TUT4: variants seen among roughly 807,000 people sequenced by gnomAD.
TUT4 encodes terminal uridylyltransferase 4.
A neutral mutation model predicts 192.2 loss-of-function variants in TUT4; 36 were observed. The ratio of observed to expected loss-of-function variants is 0.19; its 90% confidence interval spans 0.14 to 0.25. The LOEUF (loss-of-function observed/expected upper bound fraction) is 0.25, where lower values mean the gene tolerates loss of function less well. Ranked by LOEUF, TUT4 falls within the 10% of genes least tolerant of loss-of-function variation. The probability of loss-of-function intolerance (pLI) is 1.00; values close to 1 mark genes in which losing one functional copy is unlikely to be tolerated. For synonymous variants in TUT4, 618 were observed against 666.0 expected (o/e 0.93, Z 1.11); for missense variants, 1,493 against 1,957.2 (o/e 0.76, Z 4.47).
chr1:52,514,169 G>A (rs950565423), intron 3 of TUT4, among the ~76,000 whole-genome samples: 8 of 152,144 alleles, frequency 5.3e-5, no homozygotes, highest in African/African-American at 1.4e-4. Flanking sequence ...GGCCGGGCAC[G>A]GTGGCTCCTG....
chr1:52,431,293 A>T lies in TUT4; in HGVS notation c.4431T>A (p.Phe1477Leu). Residue 1477 changes from phenylalanine to leucine, a missense_variant, in exon 28 of 30, where the codon TTT becomes TTA. Transcript: ENST00000257177. Reference protein sequence around the residue: ...PHQVQMPLYNFPQSPPAQYSP... With the variant: ...PHQVQMPLYNLPQSPPAQYSP... ...AATACTGAGCTGGTGGTGACTGGGGAAAGTTATACAGTGGCATCTGGACCT... is the reference window on the plus strand; with the variant it reads ...AATACTGAGCTGGTGGTGACTGGGGTAAGTTATACAGTGGCATCTGGACCT... 1 of 1,614,084 alleles carries T rather than the reference A, an allele frequency of 6.2e-7. No individual in the cohort carries two copies. The highest frequency in any genetic ancestry group is 8.5e-7 in the Non-Finnish European group (1 of 1,180,006).
chr1:52,476,279 A>C (rs1418697198), intron 12 of TUT4, among the ~76,000 whole-genome samples: 1 of 152,242 alleles, frequency 6.6e-6, no homozygotes, highest in Non-Finnish European at 1.5e-5. Flanking sequence ...AGTAAAAGAC[A>C]GTAGTAGGAA....
chr1:52,550,097 T>C (rs895300276), intron 1 of TUT4, among the ~76,000 whole-genome samples: 3 of 152,138 alleles, frequency 2.0e-5, no homozygotes. Flanking sequence ...ATATAGTCTG[T>C]ACATAATAAA....
intron 2 of TUT4, among the ~76,000 whole-genome samples, 187 bp downstream of exon 2, chr1:52,525,376 T>A (rs1388660185): frequency 1.3e-5 from 2 of 149,976 alleles, no homozygotes; most frequent in African/African-American, 5.0e-5. Flanking sequence ...TTTTTTTTTT[T>A]AGCTTCACCA....
At chr1:52,443,734 G>T (rs1352568229) in intron 24 of TUT4, among the ~76,000 whole-genome samples, 1 of 152,086 alleles carries the variant, frequency 6.6e-6, no homozygotes, top group East Asian at 1.9e-4. Context: ...CTGCACTCCA[G>T]CCTGGGGACA....
rs1672219520 is a variant in TUT4, at chr1:52,495,475, A to G, written c.1218T>C (p.Phe406=). Residue 406 remains phenylalanine, a synonymous_variant, in exon 6 of 30, where the codon TTT becomes TTC. Coordinates refer to ENST00000257177, the MANE Select transcript of TUT4 (RefSeq NM_001009881.3). ...TATTAACATCACTACTTTTCAGAGC[A>G]AATCTAGTCAGAGATGAGCCATACA... ...LRLYGSSLTR[F]ALKSSDVNID... The G allele has an allele frequency of 6.2e-7, 1 of 1,611,526 alleles. No individual in the cohort carries two copies.
Position 52,495,465 on chromosome 1 carries a change from T to A in TUT4, c.1228A>T (p.Ser410Cys), listed in dbSNP as rs564678385. 21 of 1,611,596 alleles carry A rather than the reference T, an allele frequency of 1.3e-5. No homozygotes were observed. The East Asian group carries it at 4.0e-4, about 31-fold the overall frequency. ...TTTATATCTATATTAACATCACTACTTTTCAGAGCAAATCTAGTCAGAGAT... is the reference window on the plus strand; with the variant it reads ...TTTATATCTATATTAACATCACTACATTTCAGAGCAAATCTAGTCAGAGAT... ...GSSLTRFALK[S>C]SDVNIDIKFP... The change falls in exon 6 of 30, where the codon AGT (serine) becomes TGT (cysteine). Residue 410 changes from serine to cysteine, a missense_variant. Coordinates refer to ENST00000257177, the MANE Select transcript of TUT4 (RefSeq NM_001009881.3).
rs546015030 is a variant in TUT4, at chr1:52,543,125, C to T, written c.-94+9806G>A. ...ACGCCATTAGGCAAAAGAAACAAAA[C>T]GCATCTCAATTGGAAAAGAAGAAGT... On this transcript the variant is annotated intron_variant, in intron 1 of 29. Transcript: ENST00000257177. 2.0e-4 allele frequency among the ~76,000 whole-genome samples: 30 copies of T among 152,184 alleles called. No individual in the cohort carries two copies. The South Asian group carries it at 6.0e-3, about 30-fold the overall frequency.
At chr1:52,503,179 T>C (rs1674637148) in intron 4 of TUT4, among the ~76,000 whole-genome samples, 2 of 152,206 alleles carry the variant, frequency 1.3e-5, no homozygotes, top group Non-Finnish European at 2.9e-5. Context: ...ACCCGTATGC[T>C]CTTTCCACTC....
In TUT4 at chr1:52,475,017, T is replaced by A; in HGVS notation, c.2542A>T (p.Thr848Ser). 6.2e-7 allele frequency: 1 copy of A among 1,614,234 alleles called. No homozygotes were observed. Among genetic ancestry groups the A allele is most frequent in the Non-Finnish European group, 8.5e-7 (1 of 1,180,034 alleles). Residue 848 changes from threonine (T) to serine (S), a missense_variant, in exon 13 of 30, where the codon ACT (threonine) becomes TCT (serine). Thr to Ser is a moderately conservative substitution (Grantham distance 58). Coordinates refer to ENST00000257177, the MANE Select transcript of TUT4 (RefSeq NM_001009881.3). ...LSKSPDPDKS[T>S]GTDCRSNLET... The stretch of plus-strand genomic sequence containing the variant: ...AAATTTGACCTGCAGTCTGTTCCAG[T>A]AGATTTATCTGGGTCAGGCGACTTA...
intron 1 of TUT4, among the ~76,000 whole-genome samples, chr1:52,540,510 G>C (rs1411928504): frequency 1.5e-5 from 2 of 134,402 alleles, no homozygotes; most frequent in South Asian, 4.6e-4. Flanking sequence ...GCAAGACTCC[G>C]ACTCAAAAAA....
chr1:52,472,064 G>T lies in TUT4; in HGVS notation c.2766C>A (p.Gly922=). Residue 922 remains glycine, a synonymous_variant, in exon 14 of 30, where the codon GGC becomes GGA. Coordinates refer to ENST00000257177, the MANE Select transcript of TUT4 (RefSeq NM_001009881.3). ...TIVCSICKKD[G]HSKNDCPEDF... ...CCTCTGGGCAATCATTCTTTGAATG[G>T]CCATCCTTTTTGCAGATGCTGCATA... 1 of 1,613,578 alleles carries T rather than the reference G, an allele frequency of 6.2e-7. No homozygotes were observed. Among genetic ancestry groups the T allele is most frequent in the South Asian group, 1.1e-5 (1 of 91,042 alleles).
At position 52,526,203 on chromosome 1, in the gene TUT4, A is replaced by G; in HGVS notation, c.78T>C (p.Val26=). 1 of 1,607,092 alleles carries G rather than the reference A, an allele frequency of 6.2e-7. No individual in the cohort carries two copies. Among genetic ancestry groups the G allele is most frequent in the South Asian group, 1.1e-5 (1 of 89,272 alleles). Residue 26 remains valine, a synonymous_variant, in exon 2 of 30, where the codon GTT becomes GTC. Transcript: ENST00000257177. Reference sequence around the variant, plus strand: ...TCAATGTTTGATTACCTATAACTTGAACTGCTTTGCTTTCTTCACAAATAA... The same window carrying G: ...TCAATGTTTGATTACCTATAACTTGGACTGCTTTGCTTTCTTCACAAATAA... ...KNVICEESKA[V]QVIGNQTLKA...
intron 1 of TUT4, among the ~76,000 whole-genome samples, chr1:52,531,173 G>C (rs1326407540): frequency 6.6e-6 from 1 of 151,526 alleles, no homozygotes; most frequent in African/African-American, 2.4e-5. Flanking sequence ...GGTATTAAAT[G>C]AAATTCTAAC....
chr1:52,516,190 G>T, intron 2 of TUT4, 136 bp from the exon 3 acceptor site: 1 of 705,504 alleles, frequency 1.4e-6, no homozygotes, highest in Non-Finnish European at 2.3e-6. Context: ...TATACAAGTT[G>T]GTATGCATAT....
chr1:52,444,859 A>G (rs997622688), intron 24 of TUT4, among the ~76,000 whole-genome samples: 1 of 150,800 alleles, frequency 6.6e-6, no homozygotes, highest in African/African-American at 2.4e-5. Context: ...GGACCTTGTG[A>G]TCATGTAAAT....
At chr1:52,540,052 A>G (rs1368126008) in intron 1 of TUT4, among the ~76,000 whole-genome samples, 3 of 150,014 alleles carry the variant, frequency 2.0e-5, no homozygotes, top group Admixed American at 1.3e-4. Flanking sequence ...CCCTGTCTCT[A>G]CTAAAAATAC....
rs1649539120 is a variant in TUT4 at position 52,425,442 on chromosome 1, G to A, written c.4777C>T (p.Leu1593Phe). The stretch of plus-strand genomic sequence containing the variant: ...CCATAAGGCCACGAAGCTGGGACAA[G>A]GGGGAAATGGGGACGCGGTGCATGT... ...WEHAPRPHFPLVPASWPYGLH... is the reference protein window; with the variant it reads ...WEHAPRPHFPFVPASWPYGLH... Residue 1593 changes from leucine to phenylalanine, a missense_variant, in exon 29 of 30, where the codon CTT becomes TTT. Leu to Phe is a conservative substitution (Grantham distance 22, BLOSUM62 0). Around this residue, in one of 7 missense-constraint regions of TUT4, gnomAD observed 351 missense variants for 397.8 expected, o/e 0.88. Transcript: ENST00000257177. 7.4e-6 allele frequency: 12 copies of A among 1,613,994 alleles called. No individual in the cohort carries two copies. The highest frequency in any genetic ancestry group is 1.0e-5 in the Non-Finnish European group (12 of 1,179,920).
chr1:52,453,197 T>G (rs1379672918), intron 20 of TUT4, among the ~76,000 whole-genome samples: 1 of 151,916 alleles, frequency 6.6e-6, no homozygotes, highest in Non-Finnish European at 1.5e-5. Context: ...CTAGCCTGCG[T>G]GGTGAAACCC....
Sources: gnomAD v4.1 joint callset for allele counts (sites outside exome capture counted in the v4.1 genomes callset) on GRCh38, gnomAD v4.1.1 for gene constraint, gnomAD v4.1.1 regional missense constraint, MANE v1.5 for transcripts, NCBI Gene and HGNC (gene_info 2026-07-23, HGNC 2026-07-21) for gene names.